PCDH11X: variants seen among roughly 807,000 people sequenced by gnomAD.
The protein encoded by PCDH11X is protocadherin-11 X-linked.
PCDH11X carries 18 observed loss-of-function variants against 53.3 expected under a neutral mutation model. The observed-to-expected ratio is 0.34, with a 90% confidence interval of 0.23 to 0.50. The LOEUF (loss-of-function observed/expected upper bound fraction) is 0.50, where lower values mean the gene tolerates loss of function less well. Ranked by LOEUF, PCDH11X falls within the 20% of genes least tolerant of loss-of-function variation. The pLI, the probability that PCDH11X is intolerant of heterozygous loss-of-function variation, is 0.98. For missense variants in PCDH11X, 570 were observed against 1,032.4 expected (o/e 0.55, Z 6.14); for synonymous variants, 279 against 393.3 (o/e 0.71, Z 3.44).
intron 8 of PCDH11X, among the ~76,000 whole-genome samples, chrX:92,366,054 A>G (rs1458036213): frequency 2.7e-5 from 3 of 109,992 alleles, no homozygotes; most frequent in Admixed American, 1.9e-4. Flanking sequence ...TTTCAGAAGG[A>G]ATGGTAGTGG....
intron 6 of PCDH11X, among the ~76,000 whole-genome samples, chrX:91,971,081 A>G (rs1023655052): frequency 5.4e-5 from 6 of 111,883 alleles, no homozygotes; most frequent in Non-Finnish European, 9.4e-5. Flanking sequence ...TATTTTCACT[A>G]TTTAATAAAG....
intron 10 of PCDH11X, among the ~76,000 whole-genome samples, chrX:92,545,550 C>T (rs2074838687): frequency 9.2e-6 from 1 of 108,822 alleles, no homozygotes; most frequent in African/African-American, 3.4e-5. Flanking sequence ...TACAGTTGCC[C>T]GCCATCATGC....
intron 10 of PCDH11X, among the ~76,000 whole-genome samples, chrX:92,562,860 T>A (rs188416879): frequency 9.1e-6 from 1 of 110,208 alleles, no homozygotes; most frequent in Non-Finnish European, 1.9e-5. Flanking sequence ...TGGACTTCAT[T>A]GTTTATATGA....
chrX:92,078,670 G>A (rs1211866729), intron 6 of PCDH11X, among the ~76,000 whole-genome samples: 3 of 110,403 alleles, frequency 2.7e-5, no homozygotes, highest in East Asian at 2.9e-4. Flanking sequence ...GTTGTGTTAA[G>A]CCTTACTCAT....
chrX:91,799,568 T>C (rs1935858650), intron 1 of PCDH11X, among the ~76,000 whole-genome samples: 1 of 112,037 alleles, frequency 8.9e-6, no homozygotes, highest in Non-Finnish European at 1.9e-5. Context: ...GGTTGTGAAA[T>C]AAAAATAATG....
At chrX:92,472,505 G>A (rs1288056678) in intron 10 of PCDH11X, among the ~76,000 whole-genome samples, 2 of 106,606 alleles carry the variant, frequency 1.9e-5, no homozygotes, top group African/African-American at 6.9e-5. Context: ...TGCCATTCTG[G>A]TTACTATAAT....
intron 9 of PCDH11X, among the ~76,000 whole-genome samples, chrX:92,434,669 G>T (rs2072328119): frequency 9.6e-6 from 1 of 103,944 alleles, no homozygotes; most frequent in Admixed American, 1.0e-4. Flanking sequence ...AGCCTCTCAA[G>T]TAGCTAATTT....
Position 92,559,177 on chromosome X carries a change from G to A in PCDH11X, c.3368-59087G>A, listed in dbSNP as rs368241876. Among the ~76,000 whole-genome samples the A allele has an allele frequency of 1.6e-4, 18 of 110,413 alleles. 1 individual carries two copies. The highest frequency in any genetic ancestry group is 1.2e-3 in the Admixed American group (12 of 10,287). On this transcript the variant is annotated intron_variant, in intron 10 of 10. Coordinates refer to ENST00000682573, the MANE Select transcript of PCDH11X (RefSeq NM_032968.5). ...GAAAAAAGTGATGTCAAAAAAATCT[G>A]AAAATTATGTTCATGTGTATTGAGA...
intron 10 of PCDH11X, among the ~76,000 whole-genome samples, chrX:92,485,126 A>G (rs756320092): frequency 2.0e-4 from 22 of 110,911 alleles, no homozygotes; most frequent in Non-Finnish European, 1.7e-4. Flanking sequence ...TTACTATTGT[A>G]GCAAAAATTA....
intron 9 of PCDH11X, among the ~76,000 whole-genome samples, chrX:92,450,262 C>T (rs1313282864): frequency 2.8e-5 from 3 of 108,760 alleles, no homozygotes; most frequent in Non-Finnish European, 5.7e-5. Flanking sequence ...TTCCAGTAGA[C>T]GCTCTTTTAA....
At chrX:92,249,374 G>A (rs972943592) in intron 7 of PCDH11X, among the ~76,000 whole-genome samples, 3 of 111,855 alleles carry the variant, frequency 2.7e-5, no homozygotes, top group African/African-American at 9.7e-5. Context: ...AAGATGATCT[G>A]TAATTTAAAG....
At chrX:92,346,310 A>C (rs1274629332) in intron 8 of PCDH11X, among the ~76,000 whole-genome samples, 1 of 111,444 alleles carries the variant, frequency 9.0e-6, no homozygotes, top group Non-Finnish European at 1.9e-5. Context: ...TGAACCATTC[A>C]GATGGGGATT....
Position 91,835,718 on chromosome X carries a change from G to A in PCDH11X, c.214G>A (p.Val72Met), listed in dbSNP as rs770488796. The part of the protein sequence containing the change: ...QFKLVYKTGD[V>M]PLIRIEEDTG... ...CAAGCTAGTGTACAAGACCGGAGATGTGCCACTGATTCGAATTGAAGAGGA... is the reference window on the plus strand; with the variant it reads ...CAAGCTAGTGTACAAGACCGGAGATATGCCACTGATTCGAATTGAAGAGGA... Residue 72 changes from valine (V) to methionine (M), a missense_variant, in exon 5 of 11, where the codon GTG (valine) becomes ATG (methionine). This residue lies in a region of PCDH11X where 84 missense variants were observed against 142.0 expected (regional missense o/e 0.59). Coordinates refer to ENST00000682573, the MANE Select transcript of PCDH11X (RefSeq NM_032968.5). 4.1e-6 allele frequency: 5 copies of A among 1,209,392 alleles called. No individual in the cohort carries two copies. Among genetic ancestry groups the A allele is most frequent in the African/African-American group, 3.5e-5 (2 of 56,969 alleles).
chrX:91,934,235 A>G (rs2061420100), intron 6 of PCDH11X, among the ~76,000 whole-genome samples: 1 of 110,183 alleles, frequency 9.1e-6, no homozygotes, highest in Non-Finnish European at 1.9e-5. Context: ...GAAGAATTTC[A>G]CGGCCCAAGC....
At chrX:92,585,563 G>T (rs1350277313) in intron 10 of PCDH11X, among the ~76,000 whole-genome samples, 18 of 108,159 alleles carry the variant, frequency 1.7e-4, no homozygotes, top group Non-Finnish European at 3.3e-4. Context: ...GTAGAGACGG[G>T]GTTTCACTGT....
At chrX:92,274,480 T>A (rs773059956) in intron 8 of PCDH11X, among the ~76,000 whole-genome samples, 1 of 110,835 alleles carries the variant, frequency 9.0e-6, no homozygotes, top group Admixed American at 9.6e-5. Context: ...GCGGTGGCCT[T>A]CTCAGACCCT....
chrX:92,188,069 A>G (rs2066129931), intron 6 of PCDH11X, among the ~76,000 whole-genome samples: 1 of 111,362 alleles, frequency 9.0e-6, no homozygotes, highest in Non-Finnish European at 1.9e-5. Context: ...ATCTCTACCC[A>G]TTGAAGAGAG....
At chrX:91,879,995 T>C in intron 6 of PCDH11X, 4 of 695,539 alleles carry the variant, frequency 5.8e-6, no homozygotes, top group South Asian at 1.5e-4. Context: ...TCAGAAGACA[T>C]TCTTAAAAGA....
chrX:91,846,667 T>C (rs1937687858), intron 5 of PCDH11X, among the ~76,000 whole-genome samples: 1 of 111,698 alleles, frequency 9.0e-6, no homozygotes, highest in African/African-American at 3.3e-5. Context: ...CATGCCTTGT[T>C]ACACAGTTCA....
Sources: allele counts gnomAD v4.1 joint callset (sites outside exome capture counted in the v4.1 genomes callset), GRCh38; gene constraint gnomAD v4.1.1; regional missense constraint gnomAD v4.1.1; transcripts MANE v1.5; gene names NCBI Gene and HGNC (gene_info 2026-07-23, HGNC 2026-07-21).